ETV6: variants seen among roughly 807,000 people sequenced by gnomAD.
ETV6 encodes ETS variant transcription factor 6.
A neutral mutation model predicts 51.1 loss-of-function variants in ETV6; 16 were observed. The observed-to-expected ratio is 0.31, with a 90% CI of 0.21 to 0.48. The LOEUF is 0.48. Among genes scored for constraint, ETV6 ranks in the 20% least tolerant of loss-of-function variants. ETV6 has a pLI of 0.99. For synonymous variants in ETV6, 240 were observed against 224.1 expected, an observed-to-expected ratio of 1.07 and a Z score of -0.64; for missense variants, 458 against 594.8, an observed-to-expected ratio of 0.77 and a Z score of 2.39.
At chr12:11,759,664 C>T (rs1311419293) in intron 2 of ETV6, among the ~76,000 whole-genome samples, 10 of 152,248 alleles carry the variant, frequency 6.6e-5, no homozygotes, top group South Asian at 6.2e-4. Context: ...GTCTTTCTCT[C>T]GTCTTGATGG....
At chr12:11,695,460 C>A (rs1864859321) in intron 1 of ETV6, among the ~76,000 whole-genome samples, 1 of 152,204 alleles carries the variant, frequency 6.6e-6, no homozygotes, top group Non-Finnish European at 1.5e-5. Flanking sequence ...CTGGGTCCTC[C>A]AGCTGAAGTG....
chr12:11,766,983 G>GT (rs1425101837), intron 2 of ETV6, among the ~76,000 whole-genome samples: 1 of 152,120 alleles, frequency 6.6e-6, no homozygotes, highest in Non-Finnish European at 1.5e-5. Context: ...GCTTTGTTTT[G>GT]TTTCTGAAAT....
At chr12:11,809,898 C>T (rs1482351522) in intron 2 of ETV6, among the ~76,000 whole-genome samples, 2 of 142,318 alleles carry the variant, frequency 1.4e-5, no homozygotes, top group Non-Finnish European at 3.0e-5. Flanking sequence ...CAGCTCACTG[C>T]AACTTCCGCC....
intron 5 of ETV6, among the ~76,000 whole-genome samples, chr12:11,870,473 C>T (rs1209290642): frequency 6.6e-6 from 1 of 152,058 alleles, no homozygotes; most frequent in Non-Finnish European, 1.5e-5. Flanking sequence ...GCCATTTGGA[C>T]AGAGGAAACC....
chr12:11,795,301 G>C (rs1230006507), intron 2 of ETV6, among the ~76,000 whole-genome samples: 1 of 152,252 alleles, frequency 6.6e-6, no homozygotes, highest in Non-Finnish European at 1.5e-5. Flanking sequence ...TTGGGGCTCT[G>C]TCAGTCCGCT....
rs1223349128 is a variant in ETV6, at chr12:11,874,068, G to GTCATTTAAAAATCTA, written c.1009+4106_1009+4120dup. ...AATCTACAAGTTGAGATCTATTGAG[G>GTCATTTAAAAATCTA]TCATTTAAAAATCTATCATTTTTCA... On this transcript the variant is annotated intron_variant, in intron 5 of 7. Coordinates refer to ENST00000396373, the MANE Select transcript of ETV6 (RefSeq NM_001987.5). Among the ~76,000 whole-genome samples, 3 of 111,518 alleles carry GTCATTTAAAAATCTA rather than the reference G, an allele frequency of 2.7e-5. 1 individual carries two copies. The highest frequency in any genetic ancestry group is 5.5e-5 in the Non-Finnish European group (3 of 55,008). 73.2% of individuals were successfully genotyped at this position (111,518 alleles called of 152,430 possible). A position where few individuals can be genotyped will look rare whatever the true frequency, so the allele number is the denominator to read the frequency against.
chr12:11,657,370 A>G (rs1291010606), intron 1 of ETV6, among the ~76,000 whole-genome samples: 1 of 152,226 alleles, frequency 6.6e-6, no homozygotes, highest in Non-Finnish European at 1.5e-5. Flanking sequence ...CAGAAAGCAT[A>G]GCTTCCTTTT....
intron 2 of ETV6, among the ~76,000 whole-genome samples, chr12:11,760,928 GTGTGTGTATATA>G (rs1945077653): frequency 9.3e-6 from 1 of 107,648 alleles, no homozygotes; most frequent in Non-Finnish European, 2.4e-5. Context: ...GTATATGTGT[GTGTGTGTATATA>G]TGTATATATG....
At chr12:11,871,414 T>C (rs1488084555) in intron 5 of ETV6, among the ~76,000 whole-genome samples, 6 of 152,044 alleles carry the variant, frequency 3.9e-5, no homozygotes, top group African/African-American at 1.4e-4. Flanking sequence ...ATGGTCTTGA[T>C]CTCCTGACCT....
intron 4 of ETV6, among the ~76,000 whole-genome samples, chr12:11,861,037 T>C (rs1946708518): frequency 1.3e-5 from 2 of 152,232 alleles, no homozygotes; most frequent in Admixed American, 1.3e-4. Flanking sequence ...TAAGCACTGC[T>C]TGCATTTTAT....
chr12:11,818,531 CAAAAAA>C (rs1221844259), intron 2 of ETV6, among the ~76,000 whole-genome samples: 1 of 80,212 alleles, frequency 1.2e-5, no homozygotes, highest in African/African-American at 5.2e-5. Context: ...GACTCTGTCT[CAAAAAA>C]AAAAAAAAAA....
At chr12:11,705,143 T>C (rs1229885975) in intron 1 of ETV6, among the ~76,000 whole-genome samples, 2 of 152,166 alleles carry the variant, frequency 1.3e-5, no homozygotes, top group Non-Finnish European at 2.9e-5. Context: ...TAACAAGGCC[T>C]TTTGGTTCTG....
chr12:11,664,485 G>A (rs78588127), intron 1 of ETV6, among the ~76,000 whole-genome samples: 1,827 of 152,106 alleles, frequency 0.012, 29 homozygotes, highest in Middle Eastern at 0.044. Context: ...ACCAGGATAC[G>A]AACCACAGGG....
At chr12:11,831,119 G>A (rs1392705028) in intron 2 of ETV6, among the ~76,000 whole-genome samples, 1 of 152,202 alleles carries the variant, frequency 6.6e-6, no homozygotes, top group Non-Finnish European at 1.5e-5. Flanking sequence ...TAAGAAGGAA[G>A]GGAGACAACT....
chr12:11,794,402 G>A (rs1591678621), intron 2 of ETV6, among the ~76,000 whole-genome samples: 2 of 152,194 alleles, frequency 1.3e-5, no homozygotes, highest in South Asian at 4.1e-4. Flanking sequence ...TTGGGCACAA[G>A]CAGGTTTTCT....
intron 2 of ETV6, among the ~76,000 whole-genome samples, chr12:11,796,659 G>C (rs796197179): frequency 6.6e-6 from 1 of 152,158 alleles, no homozygotes; most frequent in Non-Finnish European, 1.5e-5. Flanking sequence ...GCGTGGGGCC[G>C]ATCAAGGACA....
chr12:11,884,330 A>T, intron 5 of ETV6, 115 bp from the exon 6 acceptor site: 1 of 1,149,876 alleles, frequency 8.7e-7, no homozygotes, highest in Non-Finnish European at 1.3e-6. Flanking sequence ...TTAGTTAGAC[A>T]ATCAGTCAAC....
Position 11,671,813 on chromosome 12 carries a change from A to G in ETV6, c.33+21653A>G, listed in dbSNP as rs140678223. ...GACTTTTGACCCAGCAGTTAGTTTT[A>G]TTTTAGGCTGTATTTTCGAAATAAC... On this transcript the variant is annotated intron_variant, in intron 1 of 7. Transcript: ENST00000396373. Among the ~76,000 whole-genome samples the G allele has an allele frequency of 2.3e-3, 347 of 152,124 alleles. 2 individuals are homozygous for G. The highest frequency in any genetic ancestry group is 0.012 in the East Asian group (61 of 5,174).
chr12:11,846,692 A>T (rs1946470481), intron 3 of ETV6, among the ~76,000 whole-genome samples: 1 of 152,196 alleles, frequency 6.6e-6, no homozygotes, highest in Admixed American at 6.5e-5. Flanking sequence ...GGACTAGCTA[A>T]ACAAACTTGG....
Sources: gnomAD v4.1 joint callset for allele counts (sites outside exome capture counted in the v4.1 genomes callset) on GRCh38, gnomAD v4.1.1 for gene constraint, MANE v1.5 for transcripts, NCBI Gene and HGNC (gene_info 2026-07-23, HGNC 2026-07-21) for gene names.